CDKAL1: variants seen among roughly 807,000 people sequenced by gnomAD.
The protein encoded by CDKAL1 is CDKAL1 threonylcarbamoyladenosine tRNA methylthiotransferase.
Under a neutral mutation model 68.2 loss-of-function variants are expected in CDKAL1, and 32 were observed. That is an observed-to-expected ratio of 0.47 (90% CI 0.35 to 0.63). The LOEUF (loss-of-function observed/expected upper bound fraction) is 0.63. Ranked by LOEUF, CDKAL1 falls within the 30% of genes least tolerant of loss-of-function variation. The pLI is 0.00. For missense variants in CDKAL1, 606 were observed against 696.7 expected (o/e 0.87, Z 1.47); for synonymous variants, 234 against 244.3 (o/e 0.96, Z 0.39).
intron 8 of CDKAL1, among the ~76,000 whole-genome samples, chr6:20,812,853 T>A (rs937231522): frequency 6.6e-6 from 1 of 152,310 alleles, no homozygotes; most frequent in Non-Finnish European, 1.5e-5. Context: ...AACATTTATT[T>A]GTGAATCTTT....
At chr6:20,556,397 T>C (rs186570172) in intron 4 of CDKAL1, among the ~76,000 whole-genome samples, 1 of 152,152 alleles carries the variant, frequency 6.6e-6, no homozygotes, top group East Asian at 1.9e-4. Flanking sequence ...TCTTCAGTTA[T>C]AGATAGCAGT....
chr6:20,813,193 C>T (rs1307758405), intron 8 of CDKAL1, among the ~76,000 whole-genome samples: 1 of 152,164 alleles, frequency 6.6e-6, no homozygotes, highest in East Asian at 1.9e-4. Flanking sequence ...GTGATCTCCC[C>T]ACTTTGGCCT....
intron 10 of CDKAL1, among the ~76,000 whole-genome samples, chr6:20,959,390 A>G (rs1049262534): frequency 5.9e-5 from 9 of 152,230 alleles, no homozygotes; most frequent in East Asian, 1.9e-4. Context: ...AATAGAATCA[A>G]TAGATAAAAC....
chr6:21,090,877 C>T (rs1171848079), intron 12 of CDKAL1, among the ~76,000 whole-genome samples: 3 of 147,132 alleles, frequency 2.0e-5, no homozygotes, highest in Non-Finnish European at 3.0e-5. Flanking sequence ...AAAATAATGG[C>T]TCACTGCAGC....
At chr6:21,168,965 G>A (rs1232820852) in intron 13 of CDKAL1, among the ~76,000 whole-genome samples, 5 of 152,064 alleles carry the variant, frequency 3.3e-5, no homozygotes, top group Non-Finnish European at 7.3e-5. Flanking sequence ...CTAATTTAAG[G>A]TAGATACACC....
At chr6:21,112,842 C>A (rs1204962907) in intron 13 of CDKAL1, among the ~76,000 whole-genome samples, 1 of 152,130 alleles carries the variant, frequency 6.6e-6, no homozygotes, top group Non-Finnish European at 1.5e-5. Context: ...TATTTGGGCC[C>A]AGATTGTTAA....
chr6:21,177,941 A>G (rs1454473313), intron 13 of CDKAL1, among the ~76,000 whole-genome samples: 4 of 152,180 alleles, frequency 2.6e-5, no homozygotes, highest in Admixed American at 6.5e-5. Flanking sequence ...ATAATTTTAT[A>G]TATGGTTCTT....
intron 12 of CDKAL1, among the ~76,000 whole-genome samples, chr6:21,103,593 C>T (rs4569951): frequency 1.6e-4 from 25 of 151,962 alleles, no homozygotes; most frequent in African/African-American, 5.8e-4. Context: ...TTTAAACCCA[C>T]GGCAGCCCGC....
chr6:20,949,780 G>T (rs948498238), intron 9 of CDKAL1, among the ~76,000 whole-genome samples: 32 of 152,014 alleles, frequency 2.1e-4, no homozygotes, highest in African/African-American at 7.5e-4. Flanking sequence ...CTCAGTGGTC[G>T]CGAAAGTTTT....
In CDKAL1 at chr6:20,744,291, A is replaced by C. The variant is rs577802912; in HGVS notation, c.468+4676A>C. 1.4e-4 allele frequency among the ~76,000 whole-genome samples: 21 copies of C among 152,304 alleles called. No homozygotes were observed. The South Asian group carries it at 3.1e-3, about 23-fold the overall frequency. On this transcript the variant is annotated intron_variant, in intron 6 of 15. Coordinates refer to ENST00000274695, the MANE Select transcript of CDKAL1 (RefSeq NM_017774.3). Reference sequence around the variant, plus strand: ...CATAGGATGTTCTCTTAACATTTGCAGTAAAAAAAGAGTAGTAGACTTCAG... The same window carrying C: ...CATAGGATGTTCTCTTAACATTTGCCGTAAAAAAAGAGTAGTAGACTTCAG...
chr6:20,669,919 G>A (rs954241249), intron 5 of CDKAL1, among the ~76,000 whole-genome samples: 2 of 151,986 alleles, frequency 1.3e-5, no homozygotes, highest in African/African-American at 2.4e-5. Flanking sequence ...CTTAGGAAAT[G>A]TATGTATTTA....
Position 20,762,219 on chromosome 6 carries a change from C to T in CDKAL1, c.517+3576C>T, listed in dbSNP as rs61449554. ...CAGGCTGAGTTAATCATGGATAGCT[C>T]CTTACTGATGAGCGTGGACTTGAGT... On this transcript the variant is annotated intron_variant, in intron 7 of 15. Coordinates refer to ENST00000274695, the MANE Select transcript of CDKAL1 (RefSeq NM_017774.3). 8.5e-3 allele frequency among the ~76,000 whole-genome samples: 1,291 copies of T among 152,208 alleles called. 15 individuals carry two copies. The highest frequency in any genetic ancestry group is 0.029 in the African/African-American group (1,185 of 41,530).
chr6:21,085,405 G>C (rs1256362725), intron 12 of CDKAL1, among the ~76,000 whole-genome samples: 2 of 152,160 alleles, frequency 1.3e-5, no homozygotes, highest in African/African-American at 2.4e-5. Flanking sequence ...TACTCAAGAG[G>C]CATGTAATCC....
chr6:20,587,917 G>A (rs978745692), intron 4 of CDKAL1, among the ~76,000 whole-genome samples: 7 of 152,130 alleles, frequency 4.6e-5, no homozygotes, highest in Admixed American at 1.3e-4. Context: ...GCAACATAGC[G>A]AGACCCTGTT....
chr6:21,076,209 A>G (rs1363967461), intron 12 of CDKAL1, among the ~76,000 whole-genome samples: 1 of 152,156 alleles, frequency 6.6e-6, no homozygotes, highest in Non-Finnish European at 1.5e-5. Flanking sequence ...GAGGAATTAC[A>G]TTGTTGCTGT....
chr6:20,810,686 AAG>A (rs1374415455), intron 8 of CDKAL1, among the ~76,000 whole-genome samples: 4 of 147,450 alleles, frequency 2.7e-5, no homozygotes, highest in African/African-American at 1.0e-4. Flanking sequence ...TAAAAAAAAA[AAG>A]TGTTTATTCA....
intron 11 of CDKAL1, among the ~76,000 whole-genome samples, chr6:21,009,607 A>G (rs1375560975): frequency 1.3e-5 from 2 of 152,226 alleles, no homozygotes; most frequent in Non-Finnish European, 2.9e-5. Context: ...ATCAGCCTAA[A>G]TGTCCATCAT....
intron 5 of CDKAL1, among the ~76,000 whole-genome samples, chr6:20,706,428 C>G (rs967569883): frequency 1.3e-5 from 2 of 152,230 alleles, no homozygotes; most frequent in Non-Finnish European, 2.9e-5. Flanking sequence ...GCTGATCCAA[C>G]TAGCCTAGTT....
intron 8 of CDKAL1, among the ~76,000 whole-genome samples, chr6:20,838,605 T>A (rs1216249416): frequency 6.6e-6 from 1 of 152,204 alleles, no homozygotes; most frequent in East Asian, 1.9e-4. Flanking sequence ...AGAAAACAGT[T>A]GTTGCTATTA....
Sources: allele counts gnomAD v4.1 joint callset (sites outside exome capture counted in the v4.1 genomes callset), GRCh38; gene constraint gnomAD v4.1.1; transcripts MANE v1.5; gene names NCBI Gene and HGNC (gene_info 2026-07-23, HGNC 2026-07-21).